Variants in LY75 observed in about 807,000 individuals in gnomAD.
LY75 encodes C-type lectin domain family 13 member B.
In LY75, 185 loss-of-function variants were observed where a neutral mutation model predicts 231.7. That is an observed-to-expected ratio of 0.80 (90% CI 0.71 to 0.90). The LOEUF (loss-of-function observed/expected upper bound fraction) is 0.90, where lower values mean the gene tolerates loss of function less well. Among genes scored for constraint, LY75 ranks in the 40% least tolerant of loss-of-function variants. The probability of loss-of-function intolerance (pLI) is 0.00; values close to 1 mark genes in which losing one functional copy is unlikely to be tolerated. For synonymous variants in LY75, 668 were observed against 689.0 expected (o/e 0.97, Z 0.48); for missense variants, 1,947 against 2,050.2 (o/e 0.95, Z 0.97).
chr2:159,848,135 G>T (rs1266257906), intron 23 of LY75, among the ~76,000 whole-genome samples: 1 of 122,458 alleles, frequency 8.2e-6, no homozygotes, highest in Non-Finnish European at 1.6e-5. Context: ...TATATATATG[G>T]TGTGTATTTA....
At position 159,850,092 on chromosome 2, in the gene LY75, C is replaced by A. The variant is rs562128392; in HGVS notation, c.3038G>T (p.Gly1013Val). ...CTTTTCATAGGCAGTCCAGCGCAAA[C>A]CAATCCATAAAGTAGCTTCCATATC... Reference protein sequence around the residue: ...LPDMEATLWIGLRWTAYEKIN... With the variant: ...LPDMEATLWIVLRWTAYEKIN... Residue 1013 changes from glycine to valine, a missense_variant, in exon 23 of 35, where the codon GGT becomes GTT. Physicochemically the swap from Gly to Val is moderately radical, Grantham distance 109 (BLOSUM62 -3). Transcript: ENST00000263636. The A allele has an allele frequency of 1.2e-6, 2 of 1,613,794 alleles. No individual in the cohort carries two copies. The highest frequency in any genetic ancestry group is 2.2e-5 in the East Asian group (1 of 44,846).
chr2:159,903,078 G>T (rs1016425258), intron 1 of LY75: 2 of 152,234 alleles, frequency 1.3e-5, no homozygotes, highest in African/African-American at 4.8e-5. Flanking sequence ...CCACAAGTCT[G>T]CTCTGAGGGT....
At position 159,886,544 on chromosome 2, in the gene LY75, A is replaced by G. The variant is rs375177216; in HGVS notation, c.803-14T>C. ...TGCCTTCTTTTTCTGTAAGAATTAA[A>G]AAATTTTTAAAAAGTGACAAAGTTG... On this transcript the variant is annotated splice_polypyrimidine_tract_variant and intron_variant, in intron 4 of 34. Coordinates refer to ENST00000263636, the MANE Select transcript of LY75 (RefSeq NM_002349.4). 9.2e-5 allele frequency: 145 copies of G among 1,575,068 alleles called. No individual in the cohort carries two copies. The African/African-American group carries it at 1.8e-3, about 20-fold the overall frequency.
At chr2:159,877,428 A>G (rs189052667) in intron 11 of LY75, among the ~76,000 whole-genome samples, 4 of 152,348 alleles carry the variant, frequency 2.6e-5, no homozygotes, top group Admixed American at 2.6e-4. Flanking sequence ...TAACCAGATG[A>G]TCTTTGTCAA....
At chr2:159,894,878 A>T (rs1685867604) in intron 2 of LY75, among the ~76,000 whole-genome samples, 1 of 152,190 alleles carries the variant, frequency 6.6e-6, no homozygotes. Context: ...AATGTTTGAT[A>T]CTTATATCAA....
chr2:159,898,268 C>A (rs1383005042), intron 2 of LY75, among the ~76,000 whole-genome samples: 1 of 152,044 alleles, frequency 6.6e-6, no homozygotes, highest in Non-Finnish European at 1.5e-5. Context: ...CCATGCACCA[C>A]TACGCCTGAC....
In LY75 at chr2:159,875,540, C is replaced by A; in HGVS notation, c.1878G>T (p.Met626Ile). Reference protein sequence around the residue: ...SFKALSICKKMSGPLGPEEAS... With the variant: ...SFKALSICKKISGPLGPEEAS... ...CTTCTTCAGGCCCAAGGGGTCCACTCATTTTCTTGCAAATTGAAAGTGCTT... is the reference window on the plus strand; with the variant it reads ...CTTCTTCAGGCCCAAGGGGTCCACTAATTTTCTTGCAAATTGAAAGTGCTT... Residue 626 changes from methionine to isoleucine, a missense_variant, in exon 12 of 35, where the codon ATG (methionine) becomes ATT (isoleucine). Transcript: ENST00000263636. 6.2e-7 allele frequency: 1 copy of A among 1,614,124 alleles called. No homozygotes were observed. The highest frequency in any genetic ancestry group is 1.1e-5 in the South Asian group (1 of 91,076).
At chr2:159,847,998 C>T (rs78536873) in intron 23 of LY75, among the ~76,000 whole-genome samples, 16,578 of 150,380 alleles carry the variant, frequency 0.11, 2,686 homozygotes, top group African/African-American at 0.35. Flanking sequence ...CAATCCAATT[C>T]GCAATTATAA....
At chr2:159,876,603 C>A (rs1483635318) in intron 11 of LY75, among the ~76,000 whole-genome samples, 1 of 152,028 alleles carries the variant, frequency 6.6e-6, no homozygotes, top group Non-Finnish European at 1.5e-5. Flanking sequence ...CTTCACATAG[C>A]CTTTCTGGTC....
intron 4 of LY75, among the ~76,000 whole-genome samples, chr2:159,887,681 A>G (rs1284238865): frequency 6.6e-6 from 1 of 152,106 alleles, no homozygotes; most frequent in East Asian, 1.9e-4. Context: ...GCGTATTGAT[A>G]TGCCTAAGAA....
At chr2:159,893,884 TC>T in intron 3 of LY75, 29 bp downstream of exon 3, 1 of 1,579,216 alleles carries the variant, frequency 6.3e-7, no homozygotes, top group Non-Finnish European at 8.6e-7. Context: ...GTACTACCTT[TC>T]CACATAAAAT....
Position 159,842,290 on chromosome 2 carries a change from A to T in LY75, c.3235T>A (p.Ser1079Thr), listed in dbSNP as rs1036581411. 15 of 1,612,650 alleles carry T rather than the reference A, an allele frequency of 9.3e-6. No individual in the cohort carries two copies. The Admixed American group carries it at 2.5e-4, about 27-fold the overall frequency. The change falls in exon 24 of 35, where the codon TCC (serine) becomes ACC (threonine). Residue 1079 changes from serine (S) to threonine (T), a missense_variant. By Grantham distance (58) the Ser-to-Thr change is moderately conservative. Transcript: ENST00000263636. ...SPFTGTWNFT[S>T]CSERHFVSLC... The stretch of plus-strand genomic sequence containing the variant: ...GACACAAAGTGGCGTTCACTGCAGG[A>T]TGTAAAATTCCACGTCCCAGTAAAC...
chr2:159,805,131 G>A lies in LY75; in HGVS notation c.5082C>T (p.His1694=), dbSNP rs781633279. Residue 1694 remains histidine, a synonymous_variant, in exon 35 of 35, where the codon CAC becomes CAT. Transcript: ENST00000263636. ...GGLIWFLFQR[H]RLHLAGFSSV... ...ATGAGAAACCCGCCAGGTGCAAACGGTGCCTTTGGAAGAGGAACCAAATCA... is the reference window on the plus strand; with the variant it reads ...ATGAGAAACCCGCCAGGTGCAAACGATGCCTTTGGAAGAGGAACCAAATCA... 1.2e-6 allele frequency: 2 copies of A among 1,614,054 alleles called. No homozygotes were observed. Among genetic ancestry groups the A allele is most frequent in the South Asian group, 1.1e-5 (1 of 91,078 alleles).
chr2:159,890,289 T>C lies in LY75; in HGVS notation c.726A>G (p.Glu242=), dbSNP rs34592866. ...CTTGATTCTGACATGAAACATAAGC[T>C]TCTTTCCAAGAAAGAGCCGTCTGAG... ...FNTQTALSWK[E]AYVSCQNQGA... Residue 242 remains glutamate, a synonymous_variant, in exon 4 of 35, where the codon GAA becomes GAG. Coordinates refer to ENST00000263636, the MANE Select transcript of LY75 (RefSeq NM_002349.4). The C allele has an allele frequency of 0.057, 92,648 of 1,613,426 alleles. 2,988 individuals carry two copies. The highest frequency in any genetic ancestry group is 0.068 in the Non-Finnish European group (80,041 of 1,179,622).
At chr2:159,878,814 G>A (rs1685350020) in intron 9 of LY75, 93 bp from the exon 10 acceptor site, 2 of 1,370,642 alleles carry the variant, frequency 1.5e-6, no homozygotes, top group South Asian at 2.5e-5. Context: ...TAACGTCTTA[G>A]AACTTGTGGA....
Position 159,840,455 on chromosome 2 carries a change from C to A in LY75, c.3507+274G>T, listed in dbSNP as rs143807475. ...GGTATGGTGGTGTGTAACTGCAGTC[C>A]CAGATACTCAAGAGGCTGAGGTGGG... On this transcript the variant is annotated intron_variant, in intron 25 of 34. Coordinates refer to ENST00000263636, the MANE Select transcript of LY75 (RefSeq NM_002349.4). Among the ~76,000 whole-genome samples, 375 of 152,102 alleles carry A rather than the reference C, an allele frequency of 2.5e-3. 2 individuals carry two copies. The highest frequency in any genetic ancestry group is 8.5e-3 in the African/African-American group (353 of 41,474).
chr2:159,819,929 G>A lies in LY75; in HGVS notation c.3959-9C>T. ...CCACATAAGAGACTTATCTAGAGAA[G>A]AAACATTTTTTCCTATGCTTAGAGA... is the stretch of plus-strand genomic sequence containing the variant. On this transcript the variant is annotated splice_polypyrimidine_tract_variant and intron_variant, in intron 28 of 34. Transcript: ENST00000263636. The A allele has an allele frequency of 6.7e-7, 1 of 1,488,746 alleles. No homozygotes were observed. The highest frequency in any genetic ancestry group is 2.5e-5 in the East Asian group (1 of 40,350). 92.2% of individuals were successfully genotyped at this position (1,488,746 alleles called of 1,614,324 possible). A position where few individuals can be genotyped will look rare whatever the true frequency, so the allele number is the denominator to read the frequency against.
chr2:159,865,145 T>C (rs1320964010), intron 13 of LY75, among the ~76,000 whole-genome samples: 1 of 152,176 alleles, frequency 6.6e-6, no homozygotes, highest in Non-Finnish European at 1.5e-5. Flanking sequence ...CAAAAACCAT[T>C]CTACTTTGAA....
rs754451887 is a variant in LY75, at chr2:159,904,573, G to T, written c.94+16C>A. On this transcript the variant is annotated intron_variant, in intron 1 of 34. Coordinates refer to ENST00000263636, the MANE Select transcript of LY75 (RefSeq NM_002349.4). ...AGGCACCCAGCGGACTGCGGGGCTG[G>T]CGTGCCCGCGGTTACCTGCGCGGCC... 6.6e-7 allele frequency: 1 copy of T among 1,505,794 alleles called. No homozygotes were observed. The highest frequency in any genetic ancestry group is 8.8e-7 in the Non-Finnish European group (1 of 1,130,868). 93.3% of individuals were successfully genotyped at this position (1,505,794 alleles called of 1,614,324 possible). A position where few individuals can be genotyped will look rare whatever the true frequency, so the allele number is the denominator to read the frequency against.
Sources: gnomAD v4.1 joint callset for allele counts (sites outside exome capture counted in the v4.1 genomes callset) on GRCh38, gnomAD v4.1.1 for gene constraint, MANE v1.5 for transcripts, NCBI Gene and HGNC (gene_info 2026-07-23, HGNC 2026-07-21) for gene names.